TBL1XR1: variants seen among roughly 807,000 people sequenced by gnomAD.
The protein encoded by TBL1XR1 is TBL1X/Y related 1.
In TBL1XR1, 5 loss-of-function variants were observed where a neutral mutation model predicts 66.9. The observed-to-expected ratio is 0.07, with a 90% CI of 0.04 to 0.16. The LOEUF is 0.16. TBL1XR1 is among the 10% of genes least tolerant of loss of function. The pLI is 1.00. For missense variants in TBL1XR1, 238 were observed against 623.2 expected, an observed-to-expected ratio of 0.38 and a Z score of 6.58; for synonymous variants, 210 against 206.0, an observed-to-expected ratio of 1.02 and a Z score of -0.17.
intron 10 of TBL1XR1, among the ~76,000 whole-genome samples, chr3:177,038,650 C>A (rs1294733993): frequency 6.6e-6 from 1 of 152,056 alleles, no homozygotes; most frequent in Admixed American, 6.6e-5. Context: ...GTGAGACAGA[C>A]CCTAAGAGAA....
intron 1 of TBL1XR1, among the ~76,000 whole-genome samples, chr3:177,187,024 G>C (rs377277748): frequency 6.6e-6 from 1 of 151,944 alleles, no homozygotes; most frequent in African/African-American, 2.4e-5. Flanking sequence ...AAAATTAGCC[G>C]GGCGTGGTGG....
chr3:177,143,114 G>T (rs903281529), intron 1 of TBL1XR1, among the ~76,000 whole-genome samples: 2 of 151,298 alleles, frequency 1.3e-5, no homozygotes, highest in Admixed American at 1.3e-4. Flanking sequence ...ATATGTGTGG[G>T]AAATAAGCTT....
In TBL1XR1 at chr3:177,077,969, C is replaced by G. The variant is rs75448182; in HGVS notation, c.-45-12947G>C. ...ATCAAGTCATTTTAACTTCCCGGAG[C>G]CCCAGTTTCTTCAACTGTGAAAGAG... is the stretch of plus-strand genomic sequence containing the variant. On this transcript the variant is annotated intron_variant, in intron 2 of 15. Transcript: ENST00000457928. 3.5e-4 allele frequency among the ~76,000 whole-genome samples: 54 copies of G among 152,266 alleles called. 1 individual carries two copies. The East Asian group carries it at 0.01, about 29-fold the overall frequency.
chr3:177,176,321 C>A (rs972453073), intron 1 of TBL1XR1, among the ~76,000 whole-genome samples: 1 of 150,760 alleles, frequency 6.6e-6, no homozygotes, highest in Non-Finnish European at 1.5e-5. Flanking sequence ...CTCAGCCTCC[C>A]GAGTAGCTGC....
chr3:177,146,050 G>A (rs183116004), intron 1 of TBL1XR1, among the ~76,000 whole-genome samples: 125 of 152,264 alleles, frequency 8.2e-4, no homozygotes, highest in Non-Finnish European at 1.9e-4. Context: ...GGCTAATACA[G>A]AAAACAAATA....
upstream of TBL1XR1, among the ~76,000 whole-genome samples, chr3:177,200,103 G>T (rs576608810): frequency 1.4e-4 from 21 of 152,186 alleles, no homozygotes; most frequent in Non-Finnish European, 2.4e-4. Context: ...CTCCCGAGTA[G>T]TTGGGATTAC....
At chr3:177,169,743 T>G (rs1269868197) in intron 1 of TBL1XR1, among the ~76,000 whole-genome samples, 1 of 152,152 alleles carries the variant, frequency 6.6e-6, no homozygotes, top group Non-Finnish European at 1.5e-5. Flanking sequence ...AGTCAGCAGC[T>G]CTAAAAGATG....
intron 1 of TBL1XR1, among the ~76,000 whole-genome samples, chr3:177,148,135 A>C (rs1730468049): frequency 1.3e-5 from 2 of 152,258 alleles, no homozygotes; most frequent in African/African-American, 2.4e-5. Context: ...TTAGGATCTA[A>C]ATAACCAACT....
intron 2 of TBL1XR1, among the ~76,000 whole-genome samples, chr3:177,086,600 A>G (rs1263604116): frequency 6.6e-6 from 1 of 152,134 alleles, no homozygotes; most frequent in Non-Finnish European, 1.5e-5. Flanking sequence ...TCTCTACTAT[A>G]ATTAGAGCCC....
chr3:177,177,422 C>G (rs1734292452), intron 1 of TBL1XR1, among the ~76,000 whole-genome samples: 1 of 152,082 alleles, frequency 6.6e-6, no homozygotes, highest in African/African-American at 2.4e-5. Context: ...TGCACTCCAG[C>G]CTAGGCGACA....
chr3:177,121,205 T>A (rs1185310774), intron 1 of TBL1XR1, among the ~76,000 whole-genome samples: 1 of 152,178 alleles, frequency 6.6e-6, no homozygotes, highest in African/African-American at 2.4e-5. Context: ...AACTGAGGAA[T>A]GTTCTTTAAA....
chr3:177,070,382 ACAGT>A (rs1719813312), intron 2 of TBL1XR1, among the ~76,000 whole-genome samples: 1 of 152,242 alleles, frequency 6.6e-6, no homozygotes, highest in Non-Finnish European at 1.5e-5. Context: ...TGAATAAATT[ACAGT>A]CAAGGTATAT....
intron 14 of TBL1XR1, among the ~76,000 whole-genome samples, chr3:177,029,064 C>T (rs1713564578): frequency 6.7e-6 from 1 of 148,420 alleles, no homozygotes; most frequent in Non-Finnish European, 1.5e-5. Flanking sequence ...TTAGATACTT[C>T]ATGAAAAAAT....
intron 2 of TBL1XR1, among the ~76,000 whole-genome samples, chr3:177,089,508 T>C (rs1296358000): frequency 1.3e-5 from 2 of 152,158 alleles, no homozygotes; most frequent in Admixed American, 6.5e-5. Flanking sequence ...AACAAAAAAA[T>C]TAGTCTTTCA....
chr3:177,152,392 T>G (rs1293646521), intron 1 of TBL1XR1, among the ~76,000 whole-genome samples: 1 of 152,114 alleles, frequency 6.6e-6, no homozygotes, highest in Non-Finnish European at 1.5e-5. Flanking sequence ...CTCAGCTCAC[T>G]GCAACGTCCG....
At chr3:177,111,229 G>C (rs1226570883) in intron 1 of TBL1XR1, among the ~76,000 whole-genome samples, 1 of 151,466 alleles carries the variant, frequency 6.6e-6, no homozygotes, top group East Asian at 1.9e-4. Context: ...AGTTACCCTG[G>C]GTTAGACACA....
intron 1 of TBL1XR1, among the ~76,000 whole-genome samples, chr3:177,136,976 C>T (rs1729071564): frequency 6.6e-6 from 1 of 152,116 alleles, no homozygotes; most frequent in African/African-American, 2.4e-5. Context: ...AAAAGATGAC[C>T]TCACTCACAC....
chr3:177,092,741 C>T (rs1478849737), intron 2 of TBL1XR1, among the ~76,000 whole-genome samples: 2 of 151,458 alleles, frequency 1.3e-5, no homozygotes, highest in Non-Finnish European at 2.9e-5. Context: ...CCTAGAATTA[C>T]CATATGATCC....
At chr3:177,036,578 T>C (rs1022867412) in intron 12 of TBL1XR1, among the ~76,000 whole-genome samples, 4 of 152,220 alleles carry the variant, frequency 2.6e-5, no homozygotes, top group African/African-American at 9.6e-5. Context: ...CTCATATGTG[T>C]CACACACAGT....
Sources: gnomAD v4.1 joint callset for allele counts (sites outside exome capture counted in the v4.1 genomes callset) on GRCh38, gnomAD v4.1.1 for gene constraint, MANE v1.5 for transcripts, NCBI Gene and HGNC (gene_info 2026-07-23, HGNC 2026-07-21) for gene names.